The following TMEM255B variants were observed in gnomAD, a reference collection of about 807,000 sequenced individuals.
TMEM255B encodes the protein transmembrane protein 255B, also known as family with sequence similarity 70, member B.
TMEM255B carries 35 observed loss-of-function variants against 34.5 expected under a neutral mutation model. That is an observed-to-expected ratio of 1.01 (90% confidence interval 0.77 to 1.34). The LOEUF (loss-of-function observed/expected upper bound fraction) is 1.34, where lower values mean the gene tolerates loss of function less well. Ranked by LOEUF, TMEM255B falls within the 40% of genes most tolerant of loss-of-function variation. TMEM255B has a pLI of 0.00. For missense variants in TMEM255B, 432 were observed against 433.2 expected, an observed-to-expected ratio of 1.00 and a Z score of 0.02; for synonymous variants, 206 against 201.2, an observed-to-expected ratio of 1.02 and a Z score of -0.20.
intron 3 of TMEM255B, among the ~76,000 whole-genome samples, chr13:113,787,191 C>T (rs1425373021): frequency 3.9e-5 from 6 of 152,208 alleles, no homozygotes; most frequent in East Asian, 1.9e-4. Context: ...GCCACGTGCA[C>T]GCGCAGGGGT....
chr13:113,764,330 T>C (rs2050354445), intron 1 of TMEM255B, among the ~76,000 whole-genome samples: 1 of 152,096 alleles, frequency 6.6e-6, no homozygotes, highest in Admixed American at 6.5e-5. Flanking sequence ...GAAGCTGCCT[T>C]GGGGACCCGG....
chr13:113,792,301 G>C (rs970135200), intron 3 of TMEM255B, among the ~76,000 whole-genome samples: 3 of 152,262 alleles, frequency 2.0e-5, no homozygotes, highest in Admixed American at 1.3e-4. Context: ...CAGGAAAATA[G>C]GAAGGTGAAG....
chr13:113,798,099 AATGGGTGGATGACAGGAATGGATGG>A (rs1386427928), intron 4 of TMEM255B, among the ~76,000 whole-genome samples: 3 of 152,050 alleles, frequency 2.0e-5, no homozygotes, highest in Non-Finnish European at 4.4e-5. Flanking sequence ...AAGGATGGAT[AATGGGTGGATGACAGGAATGGATGG>A]ATGGGTGGAT....
chr13:113,764,766 C>G (rs1195001539), intron 1 of TMEM255B, among the ~76,000 whole-genome samples: 1 of 152,158 alleles, frequency 6.6e-6, no homozygotes, highest in Non-Finnish European at 1.5e-5. Context: ...CTACTATACT[C>G]AGTGTGTCTA....
At chr13:113,768,023 A>G (rs1379934099) in intron 2 of TMEM255B, 2 of 353,982 alleles carry the variant, frequency 5.7e-6, no homozygotes, top group Non-Finnish European at 1.2e-5. Context: ...CTATCACCAC[A>G]GACACACAGA....
At chr13:113,773,926 G>A (rs2050516718) in intron 3 of TMEM255B, among the ~76,000 whole-genome samples, 1 of 152,186 alleles carries the variant, frequency 6.6e-6, no homozygotes, top group Non-Finnish European at 1.5e-5. Context: ...AGGCAGCAAG[G>A]CAGGCTGTCA....
intron 8 of TMEM255B, 145 bp downstream of exon 8, chr13:113,805,173 C>A: frequency 9.1e-7 from 1 of 1,101,488 alleles, no homozygotes; most frequent in Non-Finnish European, 1.2e-6. Flanking sequence ...CAGTGACAAC[C>A]CTGCCGTCAG....
chr13:113,812,901 A>G lies in TMEM255B; in HGVS notation c.*998A>G, dbSNP rs11616772. On this transcript the variant is annotated 3_prime_UTR_variant, in exon 9 of 9. Transcript: ENST00000375353. Reference sequence around the variant, plus strand: ...CCGAGTGGGTCACAGGCCCCGGGTGAGTCACAGGCCCCGGGTGAGTCACGG... The same window carrying G: ...CCGAGTGGGTCACAGGCCCCGGGTGGGTCACAGGCCCCGGGTGAGTCACGG... 0.61 allele frequency: 68,386 copies of G among 112,310 alleles called. 20,214 individuals are homozygous for G. Among genetic ancestry groups the G allele is most frequent in the East Asian group, 0.85 (3,250 of 3,812 alleles). 7.0% of individuals were successfully genotyped at this position (112,310 alleles called of 1,614,324 possible).
Position 113,759,304 on chromosome 13 carries a change from T to C in TMEM255B, c.35T>C (p.Leu12Pro). 8.1e-7 allele frequency: 1 copy of C among 1,229,444 alleles called. No homozygotes were observed. Among genetic ancestry groups the C allele is most frequent in the Non-Finnish European group, 1.0e-6 (1 of 986,478 alleles). 76.2% of individuals were successfully genotyped at this position (1,229,444 alleles called of 1,614,324 possible). A position where few individuals can be genotyped will look rare whatever the true frequency, so the allele number is the denominator to read the frequency against. ...CCGGTGCCCGGGCCCCTGGGCCTGCTGGACCCCGCAGGTGAGCGCGGGGCT... is the reference window on the plus strand; with the variant it reads ...CCGGTGCCCGGGCCCCTGGGCCTGCCGGACCCCGCAGGTGAGCGCGGGGCT... ...QPPVPGPLGLLDPAEGLSRRK... is the reference protein window; with the variant it reads ...QPPVPGPLGLPDPAEGLSRRK... Residue 12 changes from leucine to proline, a missense_variant, in exon 1 of 9, where the codon CTG becomes CCG. Physicochemically the swap from Leu to Pro is moderately conservative, Grantham distance 98. Transcript: ENST00000375353.
chr13:113,809,897 G>A (rs145299858), intron 8 of TMEM255B, among the ~76,000 whole-genome samples: 1,687 of 152,190 alleles, frequency 0.011, 38 homozygotes, highest in African/African-American at 0.038. Flanking sequence ...TCACTCTGTC[G>A]CCTGTGGCCA....
chr13:113,774,428 G>T (rs1474134347), intron 3 of TMEM255B, among the ~76,000 whole-genome samples: 1 of 152,192 alleles, frequency 6.6e-6, no homozygotes, highest in Non-Finnish European at 1.5e-5. Flanking sequence ...AGGTCCCACA[G>T]GGATGGGAAA....
Position 113,811,794 on chromosome 13 carries a change from A to G in TMEM255B, c.872A>G (p.Gln291Arg). Residue 291 changes from glutamine (Q) to arginine (R), a missense_variant, in exon 9 of 9, where the codon CAG (glutamine) becomes CGG (arginine). Physicochemically the swap from Gln to Arg is conservative, Grantham distance 43. Coordinates refer to ENST00000375353, the MANE Select transcript of TMEM255B (RefSeq NM_182614.4). ...SSALASSEDL[Q>R]PPSPSSSGSG... is the part of the protein sequence containing the mutation. Reference sequence around the variant, plus strand: ...GCCCTGGCTTCGTCTGAGGACCTGCAGCCCCCTTCTCCAAGCAGCTCTGGC... The same window carrying G: ...GCCCTGGCTTCGTCTGAGGACCTGCGGCCCCCTTCTCCAAGCAGCTCTGGC... 3 of 1,613,864 alleles carry G rather than the reference A, an allele frequency of 1.9e-6. No homozygotes were observed. The highest frequency in any genetic ancestry group is 2.5e-6 in the Non-Finnish European group (3 of 1,179,874).
At chr13:113,774,564 AACACACATG>A (rs1438016836) in intron 3 of TMEM255B, among the ~76,000 whole-genome samples, 3 of 140,196 alleles carry the variant, frequency 2.1e-5, no homozygotes, top group African/African-American at 5.4e-5. Context: ...ACACACACAC[AACACACATG>A]ACACACACAC....
At chr13:113,811,434 G>A (rs1224554263) in intron 8 of TMEM255B, among the ~76,000 whole-genome samples, 6 of 140,462 alleles carry the variant, frequency 4.3e-5, no homozygotes, top group South Asian at 2.4e-4. Flanking sequence ...GGGGAGGGGC[G>A]TGAGAGTGGC....
Position 113,759,233 on chromosome 13 carries a change from T to C in TMEM255B, c.-37T>C. On this transcript the variant is annotated 5_prime_UTR_variant, in exon 1 of 9. Transcript: ENST00000375353. ...AGGGCGGCTCCTGGCGGCGGGACTG[T>C]GGCTGTGGCCCCGGGAGAGCCGGGT... The C allele has an allele frequency of 8.2e-7, 1 of 1,226,598 alleles. No homozygotes were observed. Among genetic ancestry groups the C allele is most frequent in the Admixed American group, 4.3e-5 (1 of 23,516 alleles). The allele number at this position is 1,226,598 out of a possible 1,614,324, so 76.0% of individuals were successfully genotyped here. A position where few individuals can be genotyped will look rare whatever the true frequency, so the allele number is the denominator to read the frequency against.
intron 7 of TMEM255B, among the ~76,000 whole-genome samples, chr13:113,802,296 C>T (rs1309014697): frequency 2.6e-5 from 4 of 152,224 alleles, no homozygotes; most frequent in Non-Finnish European, 5.9e-5. Context: ...GGCCGGCCCT[C>T]GCCCGGGAAA....
chr13:113,801,265 C>G (rs911757428), intron 6 of TMEM255B, among the ~76,000 whole-genome samples: 12 of 152,244 alleles, frequency 7.9e-5, no homozygotes, highest in Non-Finnish European at 1.8e-4. Flanking sequence ...AGAGTTTAAA[C>G]CTGGCCTGGC....
chr13:113,809,616 AGTTTACTCCATGGTTCCTGGGG>A (rs2051262923), intron 8 of TMEM255B, among the ~76,000 whole-genome samples: 1 of 103,094 alleles, frequency 9.7e-6, no homozygotes, highest in Non-Finnish European at 1.9e-5. Flanking sequence ...GGTTCCTGAG[AGTTTACTCCATGGTTCCTGGGG>A]GTTTACTCCG....
intron 3 of TMEM255B, among the ~76,000 whole-genome samples, chr13:113,773,499 A>G (rs976678003): frequency 6.6e-6 from 1 of 152,258 alleles, no homozygotes; most frequent in Non-Finnish European, 1.5e-5. Flanking sequence ...GGCCACTGCC[A>G]GAGCCGTGTG....
Sources: allele counts gnomAD v4.1 joint callset (sites outside exome capture counted in the v4.1 genomes callset), GRCh38; gene constraint gnomAD v4.1.1; transcripts MANE v1.5; gene names NCBI Gene and HGNC (gene_info 2026-07-23, HGNC 2026-07-21).